The following FAM50A variants were observed in gnomAD, a reference collection of about 807,000 sequenced individuals.
FAM50A encodes the protein protein FAM50A.
In FAM50A, 6 loss-of-function variants were observed where a neutral mutation model predicts 35.5. The observed-to-expected ratio is 0.17, with a 90% confidence interval of 0.09 to 0.33. The LOEUF is 0.33. Among genes scored for constraint, FAM50A ranks in the 10% least tolerant of loss-of-function variants. The pLI, the probability that FAM50A is intolerant of heterozygous loss-of-function variation, is 1.00. For missense variants in FAM50A, 145 were observed against 295.5 expected (o/e 0.49, Z 3.73); for synonymous variants, 120 against 110.9 (o/e 1.08, Z -0.52).
rs1557199742 is a variant in FAM50A, at chrX:154,445,793, G to T, written c.197-19G>T. 6.7e-6 allele frequency: 8 copies of T among 1,202,104 alleles called. No homozygotes were observed. The African/African-American group carries it at 1.2e-4, about 18-fold the overall frequency. On this transcript the variant is annotated intron_variant, in intron 2 of 12. Transcript: ENST00000393600. ...TGGCCCTGCGACTACCTTGCCCCTTGTGCCTCCTTGCTTCAAAGGTCTCGT... is the reference window on the plus strand; with the variant it reads ...TGGCCCTGCGACTACCTTGCCCCTTTTGCCTCCTTGCTTCAAAGGTCTCGT...
At position 154,446,553 on chromosome X, in the gene FAM50A, A is replaced by T; in HGVS notation, c.435A>T (p.Glu145Asp). The change falls in exon 4 of 13, where the codon GAA (glutamate) becomes GAT (aspartate). Residue 145 changes from glutamate to aspartate, a missense_variant. Glu to Asp is a conservative substitution (Grantham distance 45). Coordinates refer to ENST00000393600, the MANE Select transcript of FAM50A (RefSeq NM_004699.4). ...EEAAMYEEEM[E>D]REEITTKKRK... ...CGGCCATGTATGAGGAGGAGATGGA[A>T]AGGGAAGGTGAGGGCTGGCTTGAGT... The T allele has an allele frequency of 8.6e-7, 1 of 1,168,193 alleles. No homozygotes were observed. The highest frequency in any genetic ancestry group is 1.1e-6 in the Non-Finnish European group (1 of 871,255).
rs1557200463 is a variant in FAM50A at position 154,450,479 on chromosome X, G to T, written c.*47G>T. The T allele has an allele frequency of 2.5e-6, 3 of 1,185,479 alleles. No individual in the cohort carries two copies. Among genetic ancestry groups the T allele is most frequent in the Admixed American group, 2.2e-5 (1 of 45,190 alleles). On this transcript the variant is annotated 3_prime_UTR_variant, in exon 13 of 13. Transcript: ENST00000393600. ...CCCGGCTCCTCAGCTCCCTCAGTGT[G>T]CCCCGTGGTGTCACCGGGACTCCAG...
intron 8 of FAM50A, 33 bp downstream of exon 8, chrX:154,449,330 T>C (rs782392847): frequency 4.3e-5 from 47 of 1,092,992 alleles, no homozygotes; most frequent in Non-Finnish European, 6.0e-5. Flanking sequence ...CGGTGGTGTG[T>C]GTGGCACCTG....
intron 7 of FAM50A, 115 bp downstream of exon 7, chrX:154,449,069 G>T: frequency 1.1e-6 from 1 of 912,002 alleles, no homozygotes. Context: ...AGGATAACTG[G>T]CTCCAGGGCC....
In FAM50A at chrX:154,450,505, G is replaced by A; in HGVS notation, c.*73G>A. On this transcript the variant is annotated 3_prime_UTR_variant, in exon 13 of 13. Transcript: ENST00000393600. ...CCCCGTGGTGTCACCGGGACTCCAG[G>A]CACCCGCTCCCCTGCGACCATGCCA... is the stretch of plus-strand genomic sequence containing the variant. The A allele has an allele frequency of 9.1e-7, 1 of 1,099,534 alleles. No homozygotes were observed. The highest frequency in any genetic ancestry group is 1.2e-6 in the Non-Finnish European group (1 of 801,794). The allele number at this position is 1,099,534 out of a possible 1,213,427, so 90.6% of individuals were successfully genotyped here. A position where few individuals can be genotyped will look rare whatever the true frequency, so the allele number is the denominator to read the frequency against.
At chrX:154,446,145 G>A in intron 3 of FAM50A, 1 of 444,988 alleles carries the variant, frequency 2.2e-6, no homozygotes, top group Non-Finnish European at 3.9e-6. Flanking sequence ...CCCTTTCCCA[G>A]CATCCGGTGC....
Position 154,446,513 on chromosome X carries a change from A to T in FAM50A, c.395A>T (p.Glu132Val). The T allele has an allele frequency of 2.5e-6, 3 of 1,189,507 alleles. No homozygotes were observed. The highest frequency in any genetic ancestry group is 3.4e-6 in the Non-Finnish European group (3 of 879,310). The stretch of plus-strand genomic sequence containing the variant: ...CTGGAGGAGGAAGAAGAGGGAGGCG[A>T]GGAGGAAGAGGAGGCGGCCATGTAT... The part of the protein sequence containing the change: ...FTLEEEEEGG[E>V]EEEEAAMYEE... Residue 132 changes from glutamate to valine, a missense_variant, in exon 4 of 13, where the codon GAG becomes GTG. Transcript: ENST00000393600.
Position 154,444,182 on chromosome X carries a change from TCGCTGTCGCCGCCGCCGCCGCCCGCCGC to T in FAM50A, c.-50_-23del, listed in dbSNP as rs2068770504. 4.5e-6 allele frequency: 2 copies of T among 446,263 alleles called. No homozygotes were observed. The highest frequency in any genetic ancestry group is 5.6e-6 in the Non-Finnish European group (2 of 358,084). The allele number at this position is 446,263 out of a possible 1,213,427, so 36.8% of individuals were successfully genotyped here. ...GCCACCGCCGCTGCCGCTGCCGCTG[TCGCTGTCGCCGCCGCCGCCGCCCGCCGC>T]CGCCGCCGCCGCCGCCGCCGCTGCC... On this transcript the variant is annotated 5_prime_UTR_variant, in exon 1 of 13. Transcript: ENST00000393600.
At chrX:154,446,134 G>A in intron 3 of FAM50A, 1 of 445,003 alleles carries the variant, frequency 2.2e-6, no homozygotes, top group Non-Finnish European at 3.9e-6. Flanking sequence ...AATGCAGTGG[G>A]CCCTTTCCCA....
intron 3 of FAM50A, 43 bp from the exon 4 acceptor site, chrX:154,446,372 G>A (rs375142718): frequency 4.6e-5 from 53 of 1,160,539 alleles, no homozygotes; most frequent in African/African-American, 3.2e-4. Context: ...GGTCAGGGTC[G>A]GGAAGGACAT....
At chrX:154,446,205 T>C in intron 3 of FAM50A, 2 of 454,460 alleles carry the variant, frequency 4.4e-6, no homozygotes, top group South Asian at 6.6e-5. Flanking sequence ...GGCTCTCCCC[T>C]GTGGCCCTCT....
chrX:154,449,534 G>A, intron 8 of FAM50A, 147 bp from the exon 9 acceptor site: 8 of 538,188 alleles, frequency 1.5e-5, no homozygotes, highest in Non-Finnish European at 2.5e-5. Flanking sequence ...CGCCAGTCCT[G>A]TGCTCACTAA....
chrX:154,447,782 T>C (rs981077478), intron 4 of FAM50A, among the ~76,000 whole-genome samples: 5 of 109,276 alleles, frequency 4.6e-5, no homozygotes, highest in African/African-American at 1.7e-4. Flanking sequence ...ACAGGCGCTT[T>C]GTATTTTTGT....
Position 154,445,686 on chromosome X carries a change from G to A in FAM50A, c.165G>A (p.Ala55=), listed in dbSNP as rs782419077. 9 of 1,208,370 alleles carry A rather than the reference G, an allele frequency of 7.4e-6. No individual in the cohort carries two copies. In the Admixed American group the frequency reaches 1.1e-4, roughly 15 times the overall value. Residue 55 remains alanine (A), a synonymous_variant, in exon 2 of 13, where the codon GCG becomes GCA. Coordinates refer to ENST00000393600, the MANE Select transcript of FAM50A (RefSeq NM_004699.4). ...AGAAGTTCTCTGCGCACTACGACGCGGTGGAGGCAGAGCTCAAGTCCAGCA... is the reference window on the plus strand; with the variant it reads ...AGAAGTTCTCTGCGCACTACGACGCAGTGGAGGCAGAGCTCAAGTCCAGCA... ...IDKKFSAHYD[A]VEAELKSSTV...
In FAM50A at chrX:154,444,202, G is replaced by A; in HGVS notation, c.-34G>A. The A allele has an allele frequency of 1.6e-6, 1 of 643,487 alleles. No homozygotes were observed. Among genetic ancestry groups the A allele is most frequent in the Non-Finnish European group, 1.9e-6 (1 of 524,931 alleles). The allele number at this position is 643,487 out of a possible 1,213,427, so 53.0% of individuals were successfully genotyped here. On this transcript the variant is annotated 5_prime_UTR_variant, in exon 1 of 13. Transcript: ENST00000393600. ...CGCTGTCGCTGTCGCCGCCGCCGCC[G>A]CCCGCCGCCGCCGCCGCCGCCGCCG...
rs373415887 is a variant in FAM50A, at chrX:154,445,629, G to A, written c.112-4G>A. The stretch of plus-strand genomic sequence containing the variant: ...GTTCTCATGGTGGCTGTCACTCCCC[G>A]CAGGAGAACATCATGAAATCCAACA... On this transcript the variant is annotated splice_polypyrimidine_tract_variant and splice_region_variant and intron_variant, in intron 1 of 12. Transcript: ENST00000393600. The A allele has an allele frequency of 1.0e-5, 12 of 1,200,493 alleles. No homozygotes were observed. Among genetic ancestry groups the A allele is most frequent in the South Asian group, 1.8e-5 (1 of 56,591 alleles).
Position 154,450,341 on chromosome X carries a change from C to T in FAM50A, c.1011+22C>T, listed in dbSNP as rs1189316833. ...CACGGTGAGGAGGGGCTGGCAGGGA[C>T]CCCTCCAAGTTGGGGACGGCAGCCA... On this transcript the variant is annotated intron_variant, in intron 12 of 12. Coordinates refer to ENST00000393600, the MANE Select transcript of FAM50A (RefSeq NM_004699.4). 4 of 1,203,475 alleles carry T rather than the reference C, an allele frequency of 3.3e-6. No homozygotes were observed. The East Asian group carries it at 8.9e-5, about 27-fold the overall frequency.
intron 1 of FAM50A, 93 bp downstream of exon 1, chrX:154,444,439 C>G: frequency 2.1e-6 from 1 of 481,482 alleles, no homozygotes; most frequent in Non-Finnish European, 2.9e-6. Context: ...GGGCGGTGGC[C>G]ACGGAGCGCG....
chrX:154,446,431 C>T lies in FAM50A; in HGVS notation c.313C>T (p.Arg105Ter). 1.7e-6 allele frequency: 2 copies of T among 1,210,788 alleles called. No individual in the cohort carries two copies. The highest frequency in any genetic ancestry group is 2.2e-6 in the Non-Finnish European group (2 of 894,809). The change falls in exon 4 of 13, where the codon CGA becomes TGA. Residue 105 changes from arginine to a stop codon, truncating the protein, a stop_gained. Coordinates refer to ENST00000393600, the MANE Select transcript of FAM50A (RefSeq NM_004699.4). LOFTEE classifies it high-confidence loss of function. ...CCTCACTAGGAAGCTGGAGAAGCTT[C>T]GAGAGAAGGAGCGTAAGAAGGAAGC... is the stretch of plus-strand genomic sequence containing the variant. The part of the protein sequence containing the change: ...KELQMKLEKL[R>*]EKERKKEAKR...
Sources: allele counts gnomAD v4.1 joint callset (sites outside exome capture counted in the v4.1 genomes callset), GRCh38; gene constraint gnomAD v4.1.1; transcripts MANE v1.5; gene names NCBI Gene and HGNC (gene_info 2026-07-23, HGNC 2026-07-21).